Variants in SLC26A11 observed in about 807,000 individuals in gnomAD.
The protein encoded by SLC26A11 is sodium-independent sulfate anion transporter.
In SLC26A11, 58 loss-of-function variants were observed where a neutral mutation model predicts 62.2. That is an observed-to-expected ratio of 0.93 (90% CI 0.76 to 1.16). The LOEUF is 1.16. Ranked by LOEUF, SLC26A11 falls within the 50% of genes most tolerant of loss-of-function variation. The probability of loss-of-function intolerance (pLI) is 0.00; values close to 1 mark genes in which losing one functional copy is unlikely to be tolerated. For missense variants in SLC26A11, 790 were observed against 794.3 expected, an observed-to-expected ratio of 0.99 and a Z score of 0.06; for synonymous variants, 411 against 368.9, an observed-to-expected ratio of 1.11 and a Z score of -1.31.
At chr17:80,249,105 C>T in intron 15 of SLC26A11, 49 bp from the exon 16 acceptor site, 1 of 1,584,598 alleles carries the variant, frequency 6.3e-7, no homozygotes, top group Non-Finnish European at 8.5e-7. Context: ...TGCAGAGCAG[C>T]TTTGGGCTGC....
In SLC26A11 at chr17:80,251,414, A is replaced by G; in HGVS notation, c.1729+13A>G. The G allele has an allele frequency of 6.2e-7, 1 of 1,613,396 alleles. No homozygotes were observed. Among genetic ancestry groups the G allele is most frequent in the Non-Finnish European group, 8.5e-7 (1 of 1,179,738 alleles). On this transcript the variant is annotated intron_variant, in intron 17 of 17. Transcript: ENST00000361193. ...CTGGAAGAAGCAGGTGGGCACAGTC[A>G]GACATCCTGTGGCTTTGGTGATTTT...
At chr17:80,240,216 A>G (rs868107843) in intron 9 of SLC26A11, among the ~76,000 whole-genome samples, 1 of 151,982 alleles carries the variant, frequency 6.6e-6, no homozygotes, top group African/African-American at 2.4e-5. Context: ...AAATACAAAA[A>G]ATTAGCCAGG....
chr17:80,247,690 G>A (rs567527411), intron 13 of SLC26A11, among the ~76,000 whole-genome samples: 53 of 152,342 alleles, frequency 3.5e-4, no homozygotes, highest in African/African-American at 1.3e-3. Flanking sequence ...GCTGCTGCTA[G>A]AAACCAAGGC....
intron 7 of SLC26A11, among the ~76,000 whole-genome samples, chr17:80,233,598 A>T (rs75159383): frequency 0.38 from 40,181 of 106,398 alleles, 5,869 homozygotes; most frequent in South Asian, 0.52. Context: ...TTTTTTTTTT[A>T]TTTGACAGGA....
chr17:80,225,861 C>T lies in SLC26A11; in HGVS notation c.538C>T (p.Pro180Ser), dbSNP rs2144883355. The T allele has an allele frequency of 1.2e-6, 2 of 1,613,984 alleles. No individual in the cohort carries two copies. The highest frequency in any genetic ancestry group is 2.2e-5 in the East Asian group (1 of 44,870). ...GAACCTGCTGGGACTACAGAACATC[C>T]CCAGGCCGTTCTTCCTGCAGGTGTA... ...IKNLLGLQNI[P>S]RPFFLQVYHT... The change falls in exon 6 of 18, where the codon CCC (proline) becomes TCC (serine). Residue 180 changes from proline (P) to serine (S), a missense_variant. Physicochemically the swap from Pro to Ser is moderately conservative, Grantham distance 74. Transcript: ENST00000361193.
chr17:80,237,578 G>A lies in SLC26A11; in HGVS notation c.969G>A (p.Ala323=), dbSNP rs201696460. The A allele has an allele frequency of 2.7e-5, 44 of 1,611,530 alleles. No individual in the cohort carries two copies. Among genetic ancestry groups the A allele is most frequent in the Non-Finnish European group, 3.3e-5 (39 of 1,179,096 alleles). The change falls in exon 9 of 18, where the codon GCG becomes GCA. Residue 323 remains alanine, a synonymous_variant. Transcript: ENST00000361193. The part of the protein sequence containing the change: ...VPLMGLLESI[A]VAKAFASQNN... ...TGATGGGCCTCCTGGAGAGCATTGCGGTGGCCAAAGCCTTCGGTAAGACGC... is the reference window on the plus strand; with the variant it reads ...TGATGGGCCTCCTGGAGAGCATTGCAGTGGCCAAAGCCTTCGGTAAGACGC...
rs1186403412 is a variant in SLC26A11, at chr17:80,223,043, C to T, written c.427+196C>T. ...ACTCTTTTCTGCTTAGAGGCCAGGA[C>T]ACTTGGAGAAGTGCCTGTGGCCTCA... is the stretch of plus-strand genomic sequence containing the variant. On this transcript the variant is annotated intron_variant, in intron 4 of 17. Coordinates refer to ENST00000361193, the MANE Select transcript of SLC26A11 (RefSeq NM_001166347.2). The surrounding 1 kb of genome is among the most constrained non-coding windows in gnomAD (Gnocchi z 4.6). The T allele has an allele frequency of 2.7e-6, 2 of 731,026 alleles. No individual in the cohort carries two copies. Among genetic ancestry groups the T allele is most frequent in the African/African-American group, 1.8e-5 (1 of 56,644 alleles). 45.3% of individuals were successfully genotyped at this position (731,026 alleles called of 1,614,324 possible).
At position 80,222,300 on chromosome 17, in the gene SLC26A11, C is replaced by A. The variant is rs982369382; in HGVS notation, c.235-355C>A. 1.7e-4 allele frequency: 36 copies of A among 205,988 alleles called. No individual in the cohort carries two copies. The highest frequency in any genetic ancestry group is 2.6e-4 in the Non-Finnish European group (27 of 104,454). 12.8% of individuals were successfully genotyped at this position (205,988 alleles called of 1,614,324 possible). A position where few individuals can be genotyped will look rare whatever the true frequency, so the allele number is the denominator to read the frequency against. On this transcript the variant is annotated intron_variant, in intron 3 of 17. Coordinates refer to ENST00000361193, the MANE Select transcript of SLC26A11 (RefSeq NM_001166347.2). This position sits in a 1 kb window ranked among gnomAD's most constrained non-coding sequence, Gnocchi z 4.7. ...CTGAGGCAGGAGAATGGCGTGAACC[C>A]GGGAGGCGGAGCTTGCAGTGAGCCG...
intron 9 of SLC26A11, among the ~76,000 whole-genome samples, chr17:80,240,527 G>GAAA (rs2042831986): frequency 6.6e-6 from 1 of 152,122 alleles, no homozygotes; most frequent in Non-Finnish European, 1.5e-5. Context: ...TCTCGGCCGG[G>GAAA]TGCAGTGGCT....
chr17:80,226,954 CA>C (rs2042430279), intron 6 of SLC26A11, among the ~76,000 whole-genome samples: 1 of 152,164 alleles, frequency 6.6e-6, no homozygotes, highest in African/African-American at 2.4e-5. Context: ...AGCTGGAAGC[CA>C]GTGGGTTCTT....
At chr17:80,238,482 G>A (rs1044787727) in intron 9 of SLC26A11, among the ~76,000 whole-genome samples, 2 of 152,106 alleles carry the variant, frequency 1.3e-5, no homozygotes, top group South Asian at 2.1e-4. Flanking sequence ...GCCCCTCCTC[G>A]CCCCCAGGGA....
chr17:80,238,849 A>C (rs2042778040), intron 9 of SLC26A11, among the ~76,000 whole-genome samples: 1 of 124,018 alleles, frequency 8.1e-6, no homozygotes, highest in South Asian at 2.5e-4. Flanking sequence ...TTTTGGAGAC[A>C]GAGTCTCACT....
At chr17:80,224,027 G>A (rs1025855068) in intron 5 of SLC26A11, among the ~76,000 whole-genome samples, 1 of 152,150 alleles carries the variant, frequency 6.6e-6, no homozygotes, top group Non-Finnish European at 1.5e-5. Context: ...GGGACCATGC[G>A]GCCCTCATGG....
chr17:80,238,930 A>G (rs2042779707), intron 9 of SLC26A11, among the ~76,000 whole-genome samples: 1 of 150,840 alleles, frequency 6.6e-6, no homozygotes, highest in Admixed American at 6.6e-5. Flanking sequence ...GGTTTAAGCA[A>G]TTCTCATGCC....
At chr17:80,224,338 TGTGAGAGTGGGTGTGGGTGTGAGGGA>T (rs1390870091) in intron 5 of SLC26A11, among the ~76,000 whole-genome samples, 2 of 144,088 alleles carry the variant, frequency 1.4e-5, no homozygotes, top group African/African-American at 5.3e-5. Flanking sequence ...TGAGTGAGAG[TGTGAGAGTGGGTGTGGGTGTGAGGGA>T]GTGTGAGTGC....
At chr17:80,238,350 A>G (rs776234881) in intron 9 of SLC26A11, among the ~76,000 whole-genome samples, 2 of 152,138 alleles carry the variant, frequency 1.3e-5, no homozygotes, top group Non-Finnish European at 2.9e-5. Flanking sequence ...AAGATCCTGT[A>G]TTATCTGTTT....
chr17:80,229,195 C>T (rs1476744887), intron 7 of SLC26A11, among the ~76,000 whole-genome samples: 4 of 152,066 alleles, frequency 2.6e-5, no homozygotes, highest in African/African-American at 9.6e-5. Flanking sequence ...TTCTGCCTGC[C>T]CAGGCTGGTC....
intron 10 of SLC26A11, among the ~76,000 whole-genome samples, chr17:80,242,268 C>T (rs866003931): frequency 2.0e-5 from 3 of 152,214 alleles, no homozygotes; most frequent in South Asian, 2.1e-4. Flanking sequence ...TGAGCTACTG[C>T]GCCTGGCTCT....
At chr17:80,240,829 G>A (rs1252186823) in intron 9 of SLC26A11, among the ~76,000 whole-genome samples, 2 of 150,900 alleles carry the variant, frequency 1.3e-5, no homozygotes, top group African/African-American at 2.4e-5. Flanking sequence ...AAAATAAAAT[G>A]GTTTTCTTAT....
Sources: allele counts gnomAD v4.1 joint callset (sites outside exome capture counted in the v4.1 genomes callset), GRCh38; gene constraint gnomAD v4.1.1; non-coding constraint Gnocchi (gnomAD v3.1); transcripts MANE v1.5; gene names NCBI Gene and HGNC (gene_info 2026-07-23, HGNC 2026-07-21).